The following MAD1L1 variants were observed in gnomAD, a reference collection of about 807,000 sequenced individuals.
MAD1L1 encodes mitotic arrest deficient 1 like 1.
A neutral mutation model predicts 96.9 loss-of-function variants in MAD1L1; 95 were observed. The ratio of observed to expected loss-of-function variants is 0.98; its 90% CI spans 0.83 to 1.16. The LOEUF (loss-of-function observed/expected upper bound fraction) is 1.16, where lower values mean the gene tolerates loss of function less well. Ranked by LOEUF, MAD1L1 falls within the 50% of genes most tolerant of loss-of-function variation. The probability of loss-of-function intolerance (pLI) is 0.00; values close to 1 mark genes in which losing one functional copy is unlikely to be tolerated. For missense variants in MAD1L1, 1,007 were observed against 954.4 expected (o/e 1.06, Z -0.73); for synonymous variants, 473 against 396.6 (o/e 1.19, Z -2.29).
chr7:1,949,103 C>T (rs1339047302), intron 16 of MAD1L1, among the ~76,000 whole-genome samples: 2 of 152,166 alleles, frequency 1.3e-5, no homozygotes, highest in African/African-American at 4.8e-5. Flanking sequence ...GGGCCCTGCT[C>T]CTTGAGGCTC....
chr7:2,128,841 G>A (rs965749082), intron 11 of MAD1L1, among the ~76,000 whole-genome samples: 5 of 152,178 alleles, frequency 3.3e-5, no homozygotes, highest in Non-Finnish European at 5.9e-5. Flanking sequence ...GGAGCACAAG[G>A]CCCCATCTTC....
intron 14 of MAD1L1, among the ~76,000 whole-genome samples, chr7:1,987,827 C>T (rs2128487556): frequency 6.6e-6 from 1 of 152,338 alleles, no homozygotes; most frequent in East Asian, 1.9e-4. Context: ...AGGTAACTCA[C>T]AGGCACCTGT....
At chr7:2,060,083 C>CG (rs1784573141) in intron 12 of MAD1L1, among the ~76,000 whole-genome samples, 1 of 147,228 alleles carries the variant, frequency 6.8e-6, no homozygotes, top group African/African-American at 2.5e-5. Flanking sequence ...ACGCTGATGC[C>CG]AAGATACGCT....
At chr7:1,881,958 AGCCACAGGCTTGCCCGT>A (rs1399037973) in intron 18 of MAD1L1, among the ~76,000 whole-genome samples, 5 of 152,196 alleles carry the variant, frequency 3.3e-5, no homozygotes, top group African/African-American at 1.2e-4. Flanking sequence ...GGGTGATCTG[AGCCACAGGCTTGCCCGT>A]GTCCTTGGGC....
chr7:2,010,241 C>A (rs1782234098), intron 13 of MAD1L1, among the ~76,000 whole-genome samples: 1 of 152,104 alleles, frequency 6.6e-6, no homozygotes, highest in African/African-American at 2.4e-5. Flanking sequence ...GCCAAACCAC[C>A]CACGGCAGCC....
chr7:1,913,683 C>T (rs1201082559), intron 17 of MAD1L1, among the ~76,000 whole-genome samples: 2 of 152,070 alleles, frequency 1.3e-5, no homozygotes, highest in African/African-American at 4.8e-5. Context: ...GGAGGGAGAG[C>T]AGCCCCCAGT....
At chr7:1,831,205 A>C (rs1365315316) in intron 18 of MAD1L1, among the ~76,000 whole-genome samples, 1 of 152,194 alleles carries the variant, frequency 6.6e-6, no homozygotes, top group East Asian at 1.9e-4. Flanking sequence ...GCGTGGATTC[A>C]CTTCATGTCT....
At chr7:2,202,327 A>G (rs1323685612) in intron 10 of MAD1L1, among the ~76,000 whole-genome samples, 2 of 152,212 alleles carry the variant, frequency 1.3e-5, no homozygotes, top group Admixed American at 6.5e-5. Context: ...GATGGCAGGC[A>G]CCGTGCTCGG....
chr7:1,838,876 T>C (rs200482979), intron 18 of MAD1L1: 9 of 471,082 alleles, frequency 1.9e-5, no homozygotes, highest in Non-Finnish European at 3.5e-5. Context: ...CAGGTAAGAC[T>C]ACCTAAGGTT....
chr7:1,891,140 G>A (rs1431192253), intron 18 of MAD1L1, among the ~76,000 whole-genome samples: 1 of 152,176 alleles, frequency 6.6e-6, no homozygotes, highest in Non-Finnish European at 1.5e-5. Flanking sequence ...GGGGTGCGGG[G>A]CTATTTCTTC....
chr7:1,943,211 C>T (rs891709529), intron 16 of MAD1L1, among the ~76,000 whole-genome samples: 5 of 152,158 alleles, frequency 3.3e-5, no homozygotes, highest in South Asian at 2.1e-4. Context: ...TTGGATTTAA[C>T]AAAGAATTCT....
At chr7:1,917,462 G>A (rs1378989179) in intron 17 of MAD1L1, among the ~76,000 whole-genome samples, 9 of 152,192 alleles carry the variant, frequency 5.9e-5, no homozygotes, top group Admixed American at 4.6e-4. Flanking sequence ...TCCCAGCAGC[G>A]CCGCCCCTCT....
At chr7:2,196,963 A>C (rs1465996087) in intron 10 of MAD1L1, among the ~76,000 whole-genome samples, 2 of 152,226 alleles carry the variant, frequency 1.3e-5, no homozygotes, top group Non-Finnish European at 2.9e-5. Context: ...GGGTCCTGCC[A>C]AGGCGCCAGG....
chr7:1,997,248 T>C (rs960335701), intron 14 of MAD1L1, among the ~76,000 whole-genome samples: 5 of 152,210 alleles, frequency 3.3e-5, no homozygotes, highest in Admixed American at 1.3e-4. Context: ...GGTTGGAAAA[T>C]AGCAGGTAAA....
intron 14 of MAD1L1, among the ~76,000 whole-genome samples, chr7:1,995,890 G>C (rs939953286): frequency 1.3e-5 from 2 of 152,216 alleles, no homozygotes; most frequent in Non-Finnish European, 2.9e-5. Flanking sequence ...TCGTGGAGCA[G>C]GATGGGTCCG....
At chr7:1,964,561 G>C (rs1467034453) in intron 15 of MAD1L1, among the ~76,000 whole-genome samples, 1 of 152,190 alleles carries the variant, frequency 6.6e-6, no homozygotes, top group African/African-American at 2.4e-5. Context: ...TCAGAATTCT[G>C]GTTTGCCTTC....
At chr7:1,900,096 C>T (rs951948766) in intron 17 of MAD1L1, among the ~76,000 whole-genome samples, 2 of 152,196 alleles carry the variant, frequency 1.3e-5, no homozygotes, top group African/African-American at 4.8e-5. Context: ...CTGGGCACCC[C>T]CGATGGCGTG....
At chr7:2,020,104 G>T (rs916330922) in intron 12 of MAD1L1, among the ~76,000 whole-genome samples, 1 of 152,246 alleles carries the variant, frequency 6.6e-6, no homozygotes, top group Non-Finnish European at 1.5e-5. Flanking sequence ...CTGTCGCTCA[G>T]ACCACGGAGG....
chr7:2,196,685 G>A (rs573997213), intron 10 of MAD1L1, among the ~76,000 whole-genome samples: 20 of 152,342 alleles, frequency 1.3e-4, no homozygotes, highest in Non-Finnish European at 2.5e-4. Context: ...GGTCACAAAG[G>A]AACAGGCATT....
Sources: allele counts gnomAD v4.1 joint callset (sites outside exome capture counted in the v4.1 genomes callset), GRCh38; gene constraint gnomAD v4.1.1; transcripts MANE v1.5; gene names NCBI Gene and HGNC (gene_info 2026-07-23, HGNC 2026-07-21).